The following CC2D2A variants were observed in gnomAD, a reference collection of about 807,000 sequenced individuals.
The protein encoded by CC2D2A is coiled-coil and C2 domain-containing protein 2A.
CC2D2A carries 155 observed loss-of-function variants against 212.9 expected under a neutral mutation model. The observed-to-expected ratio is 0.73, with a 90% CI of 0.64 to 0.83. The LOEUF (loss-of-function observed/expected upper bound fraction) is 0.83, where lower values mean the gene tolerates loss of function less well. CC2D2A is among the 40% of genes least tolerant of loss of function. The probability of loss-of-function intolerance (pLI) is 0.00; values close to 1 mark genes in which losing one functional copy is unlikely to be tolerated. For missense variants in CC2D2A, 1,856 were observed against 1,956.2 expected, an observed-to-expected ratio of 0.95 and a Z score of 0.97; for synonymous variants, 667 against 686.5, an observed-to-expected ratio of 0.97 and a Z score of 0.44.
intron 29 of CC2D2A, among the ~76,000 whole-genome samples, chr4:15,575,928 C>A (rs548788575): frequency 2.0e-5 from 3 of 152,348 alleles, no homozygotes; most frequent in South Asian, 2.1e-4. Context: ...AGCAGTCTAT[C>A]CTGGCAGAAA....
intron 4 of CC2D2A, among the ~76,000 whole-genome samples, chr4:15,489,007 A>G (rs1285067461): frequency 1.3e-5 from 2 of 152,238 alleles, no homozygotes; most frequent in African/African-American, 2.4e-5. Context: ...CCATGATTCC[A>G]TCTTGCACCA....
chr4:15,539,949 G>A (rs944667260), intron 16 of CC2D2A, among the ~76,000 whole-genome samples: 6 of 152,120 alleles, frequency 3.9e-5, no homozygotes, highest in African/African-American at 1.4e-4. Flanking sequence ...TTAATTACTA[G>A]AGAATTTCTG....
chr4:15,559,866 G>A (rs752359451), intron 22 of CC2D2A, among the ~76,000 whole-genome samples: 3 of 151,678 alleles, frequency 2.0e-5, no homozygotes, highest in Non-Finnish European at 2.9e-5. Flanking sequence ...TGGCTTTGTC[G>A]CCCAGGCTGA....
intron 11 of CC2D2A, chr4:15,519,942 TG>T (rs1717110822): frequency 4.2e-6 from 1 of 236,802 alleles, no homozygotes; most frequent in Non-Finnish European, 8.6e-6. Context: ...ATTTTAAATT[TG>T]TAACATTCAG....
At chr4:15,548,968 T>C (rs566354050) in intron 17 of CC2D2A, among the ~76,000 whole-genome samples, 1 of 152,324 alleles carries the variant, frequency 6.6e-6, no homozygotes, top group African/African-American at 2.4e-5. Flanking sequence ...TCAAGGAAAT[T>C]TGAAACTTAC....
chr4:15,547,681 T>C (rs1718781138), intron 17 of CC2D2A, among the ~76,000 whole-genome samples: 1 of 152,194 alleles, frequency 6.6e-6, no homozygotes, highest in East Asian at 1.9e-4. Context: ...TACTTATAAA[T>C]ACCTACTTAA....
intron 4 of CC2D2A, among the ~76,000 whole-genome samples, chr4:15,489,037 T>A (rs1412678539): frequency 6.6e-6 from 1 of 152,240 alleles, no homozygotes. Flanking sequence ...GGAGTAACTA[T>A]CACACATTAA....
At chr4:15,494,019 G>C (rs1294482208) in intron 4 of CC2D2A, among the ~76,000 whole-genome samples, 1 of 152,138 alleles carries the variant, frequency 6.6e-6, no homozygotes. Flanking sequence ...TGCAGTTCTT[G>C]GCCCTCCTGA....
In CC2D2A at chr4:15,527,922, G is replaced by A. The variant is rs2109024469; in HGVS notation, c.1359+266G>A. ...CAGCACCCACCAGAAGTGGGTGTTAGGTGGAAGATATGTGGCTATTACTTG... is the reference window on the plus strand; with the variant it reads ...CAGCACCCACCAGAAGTGGGTGTTAAGTGGAAGATATGTGGCTATTACTTG... On this transcript the variant is annotated intron_variant, in intron 12 of 36. Coordinates refer to ENST00000424120, the MANE Select transcript of CC2D2A (RefSeq NM_001378615.1). Among the ~76,000 whole-genome samples the A allele has an allele frequency of 2.0e-5, 3 of 152,336 alleles. No homozygotes were observed. In the South Asian group the frequency reaches 6.2e-4, roughly 32 times the overall value.
intron 26 of CC2D2A, 52 bp downstream of exon 26, chr4:15,567,838 A>T: frequency 7.7e-7 from 1 of 1,305,228 alleles, no homozygotes; most frequent in South Asian, 1.4e-5. Context: ...AAGAAATGTG[A>T]AGAAAGCAGG....
intron 33 of CC2D2A, among the ~76,000 whole-genome samples, chr4:15,594,376 T>A (rs1011626480): frequency 6.6e-6 from 1 of 152,154 alleles, no homozygotes; most frequent in Non-Finnish European, 1.5e-5. Context: ...TTCAAACATT[T>A]ATTCTCAGGG....
intron 13 of CC2D2A, among the ~76,000 whole-genome samples, chr4:15,532,366 A>AC (rs1560168854): frequency 5.9e-5 from 9 of 152,304 alleles, no homozygotes; most frequent in African/African-American, 2.2e-4. Flanking sequence ...CTCCAGACTT[A>AC]GGCCTGCCTT....
intron 14 of CC2D2A, 67 bp from the exon 15 acceptor site, chr4:15,536,853 T>C: frequency 1.4e-6 from 2 of 1,466,514 alleles, no homozygotes; most frequent in Non-Finnish European, 1.9e-6. Context: ...ATATAAGTAT[T>C]TGCTGTTATT....
intron 33 of CC2D2A, among the ~76,000 whole-genome samples, chr4:15,592,564 G>A (rs943672712): frequency 6.6e-5 from 10 of 152,042 alleles, no homozygotes; most frequent in African/African-American, 1.9e-4. Context: ...TTCCCCCTCC[G>A]TAGTTTACTG....
At chr4:15,564,316 C>T (rs1039305317) in intron 24 of CC2D2A, 1 of 152,304 alleles carries the variant, frequency 6.6e-6, no homozygotes, top group Non-Finnish European at 1.5e-5. Flanking sequence ...CCTCCTGCCT[C>T]AGCCTCTCAA....
In CC2D2A at chr4:15,553,192, C is replaced by A; in HGVS notation, c.2373C>A (p.Asn791Lys). The change falls in exon 19 of 37, where the codon AAC becomes AAA. Residue 791 changes from asparagine to lysine, a missense_variant. Transcript: ENST00000424120. Reference protein sequence around the residue: ...VPFSFEADGSNQLTLMTSGKV... With the variant: ...VPFSFEADGSKQLTLMTSGKV... ...TCTCATTTGAAGCTGATGGCAGTAA[C>A]CAGCTGACTCTGATGACCTCAGGGA... 1 of 1,606,460 alleles carries A rather than the reference C, an allele frequency of 6.2e-7. No individual in the cohort carries two copies. The highest frequency in any genetic ancestry group is 1.3e-5 in the African/African-American group (1 of 74,594).
rs1347073826 is a variant in CC2D2A, at chr4:15,557,487, A to G, written c.2809A>G (p.Ile937Val). 1.2e-6 allele frequency: 2 copies of G among 1,606,666 alleles called. No homozygotes were observed. Among genetic ancestry groups the G allele is most frequent in the East Asian group, 4.5e-5 (2 of 44,728 alleles). The change falls in exon 21 of 37, where the codon ATT (isoleucine) becomes GTT (valine). Residue 937 changes from isoleucine to valine, a missense_variant. Transcript: ENST00000424120. Reference sequence around the variant, plus strand: ...GCAAGTTCCAGTCTATGACCGAGAAATTATGGAAAAGGTATTCCAGGTAAG... The same window carrying G: ...GCAAGTTCCAGTCTATGACCGAGAAGTTATGGAAAAGGTATTCCAGGTAAG... ...YKQVPVYDRE[I>V]MEKVFQDYEK...
intron 6 of CC2D2A, among the ~76,000 whole-genome samples, chr4:15,508,871 T>C (rs1438656527): frequency 6.6e-6 from 1 of 152,206 alleles, no homozygotes. Flanking sequence ...GTATGTTCCT[T>C]CTTGCCATGA....
chr4:15,470,683 CTCTCTCTATATATATATATATATATATA>C (rs1326335102), intron 1 of CC2D2A, among the ~76,000 whole-genome samples: 96 of 54,338 alleles, frequency 1.8e-3, no homozygotes, highest in Non-Finnish European at 2.5e-3. Flanking sequence ...CTCTCTCTCT[CTCTCTCTATATATATATATATATATATA>C]TATATATATA....
Sources: gnomAD v4.1 joint callset for allele counts (sites outside exome capture counted in the v4.1 genomes callset) on GRCh38, gnomAD v4.1.1 for gene constraint, MANE v1.5 for transcripts, NCBI Gene and HGNC (gene_info 2026-07-23, HGNC 2026-07-21) for gene names.